STX11: variants seen among roughly 807,000 people sequenced by gnomAD.
The protein encoded by STX11 is syntaxin-11.
STX11 carries 21 observed loss-of-function variants against 19.9 expected under a neutral mutation model. That is an observed-to-expected ratio of 1.06 (90% CI 0.75 to 1.52). The LOEUF (loss-of-function observed/expected upper bound fraction) is 1.52, where lower values mean the gene tolerates loss of function less well. Among genes scored for constraint, STX11 ranks in the 40% most tolerant of loss-of-function variants. The probability of loss-of-function intolerance (pLI) is 0.00; values close to 1 mark genes in which losing one functional copy is unlikely to be tolerated. For missense variants in STX11, 438 were observed against 405.9 expected, an observed-to-expected ratio of 1.08 and a Z score of -0.68; for synonymous variants, 193 against 174.4, an observed-to-expected ratio of 1.11 and a Z score of -0.84.
chr6:144,181,011 CATCATAAAATGAAGGG>C (rs1801899196), intron 1 of STX11, among the ~76,000 whole-genome samples: 1 of 152,168 alleles, frequency 6.6e-6, no homozygotes, highest in African/African-American at 2.4e-5. Context: ...TATAATTTTC[CATCATAAAATGAAGGG>C]ATCAGAATAA....
chr6:144,162,734 G>A lies in STX11; in HGVS notation c.-6+12031G>A, dbSNP rs1267443622. On this transcript the variant is annotated intron_variant, in intron 1 of 1. Transcript: ENST00000367568. The surrounding 1 kb of genome is among the most constrained non-coding windows in gnomAD (Gnocchi z 4.6). ...GAGGGCATCTCCAGAAGAAAGGCAG[G>A]ATAAGGTGGTTTGCCATGGTGGAGT... 6.6e-6 allele frequency among the ~76,000 whole-genome samples: 1 copy of A among 152,212 alleles called. No homozygotes were observed. Among genetic ancestry groups the A allele is most frequent in the East Asian group, 1.9e-4 (1 of 5,196 alleles).
At position 144,172,945 on chromosome 6, in the gene STX11, G is replaced by T. The variant is rs117338974; in HGVS notation, c.-5-13678G>T. ...ACAACCACTGGTCCATAGCAGTTCTGTCCAAGCACATGTTACCAGGTGCCC... is the reference window on the plus strand; with the variant it reads ...ACAACCACTGGTCCATAGCAGTTCTTTCCAAGCACATGTTACCAGGTGCCC... On this transcript the variant is annotated intron_variant, in intron 1 of 1. Transcript: ENST00000367568. This position sits in a 1 kb window ranked among gnomAD's most constrained non-coding sequence, Gnocchi z 4.2. 3.4e-3 allele frequency among the ~76,000 whole-genome samples: 515 copies of T among 152,080 alleles called. No individual in the cohort carries two copies. Among genetic ancestry groups the T allele is most frequent in the Admixed American group, 5.8e-3 (89 of 15,276 alleles).
At position 144,165,455 on chromosome 6, in the gene STX11, C is replaced by CAAAA. The variant is rs202244910; in HGVS notation, c.-6+14760_-6+14763dup. On this transcript the variant is annotated intron_variant, in intron 1 of 1. Coordinates refer to ENST00000367568, the MANE Select transcript of STX11 (RefSeq NM_003764.4). The surrounding 1 kb of genome is among the most constrained non-coding windows in gnomAD (Gnocchi z 5.8). The stretch of plus-strand genomic sequence containing the variant: ...GGGCAACAAGAACGAAACTCTGTCT[C>CAAAA]AAAAAAAAAAAGAAAAACAAAAAAG... 7.1e-4 allele frequency among the ~76,000 whole-genome samples: 98 copies of CAAAA among 137,104 alleles called. No homozygotes were observed. Among genetic ancestry groups the CAAAA allele is most frequent in the African/African-American group, 2.5e-3 (98 of 38,438 alleles). The allele number at this position is 137,104 out of a possible 152,430, so 89.9% of individuals were successfully genotyped here. A position where few individuals can be genotyped will look rare whatever the true frequency, so the allele number is the denominator to read the frequency against.
Position 144,150,610 on chromosome 6 carries a change from G to A in STX11, c.-99G>A, listed in dbSNP as rs955414496. The A allele has an allele frequency of 2.4e-5, 24 of 985,342 alleles. No individual in the cohort carries two copies. In the African/African-American group the frequency reaches 4.2e-4, roughly 17 times the overall value. 61.0% of individuals were successfully genotyped at this position (985,342 alleles called of 1,614,324 possible). On this transcript the variant is annotated 5_prime_UTR_variant, in exon 1 of 2. Transcript: ENST00000367568. ...CGGGAGCGGAGCCGCCGGGAGTCGCGCAACAGGTTTCCTTCTCCATCGCTG... is the reference window on the plus strand; with the variant it reads ...CGGGAGCGGAGCCGCCGGGAGTCGCACAACAGGTTTCCTTCTCCATCGCTG...
chr6:144,178,678 A>C (rs72992181), intron 1 of STX11, among the ~76,000 whole-genome samples: 4,421 of 152,304 alleles, frequency 0.029, 90 homozygotes, highest in Middle Eastern at 0.048. Context: ...GAGCAAAGAG[A>C]AAACAAGAGA....
At position 144,176,487 on chromosome 6, in the gene STX11, G is replaced by A. The variant is rs111647916; in HGVS notation, c.-5-10136G>A. 1.3e-5 allele frequency among the ~76,000 whole-genome samples: 2 copies of A among 152,152 alleles called. No individual in the cohort carries two copies. The highest frequency in any genetic ancestry group is 2.4e-5 in the African/African-American group (1 of 41,414). Reference sequence around the variant, plus strand: ...TGCACACAGTCTGTCACTGAGATTCGTTTTTCCTTCCTTGCTTTACGGAGT... The same window carrying A: ...TGCACACAGTCTGTCACTGAGATTCATTTTTCCTTCCTTGCTTTACGGAGT... On this transcript the variant is annotated intron_variant, in intron 1 of 1. Coordinates refer to ENST00000367568, the MANE Select transcript of STX11 (RefSeq NM_003764.4). The surrounding 1 kb of genome is among the most constrained non-coding windows in gnomAD (Gnocchi z 4.1).
At chr6:144,146,812 C>T (rs553034763), upstream of STX11, among the ~76,000 whole-genome samples, 17 of 152,264 alleles carry the variant, frequency 1.1e-4, no homozygotes, top group Admixed American at 1.0e-3. The surrounding 1 kb of genome is among the most constrained non-coding windows in gnomAD (Gnocchi z 4.4). Flanking sequence ...CTACCCTGTC[C>T]TCCCAAAGTG....
In STX11 at chr6:144,150,649, C is replaced by T. The variant is rs1260075234; in HGVS notation, c.-60C>T. On this transcript the variant is annotated 5_prime_UTR_variant, in exon 1 of 2. The change creates a new upstream start codon in the 5' untranslated region. Transcript: ENST00000367568. Reference sequence around the variant, plus strand: ...TCTCCATCGCTGCGCCCACAGGGGACGCGCGCCCTGCCGGGAGAGGGGCTT... The same window carrying T: ...TCTCCATCGCTGCGCCCACAGGGGATGCGCGCCCTGCCGGGAGAGGGGCTT... 1.1e-5 allele frequency: 11 copies of T among 985,234 alleles called. No individual in the cohort carries two copies. The highest frequency in any genetic ancestry group is 6.1e-5 in the Admixed American group (1 of 16,262). The allele number at this position is 985,234 out of a possible 1,614,324, so 61.0% of individuals were successfully genotyped here.
rs1801742610 is a variant in STX11, at chr6:144,175,003, A to G, written c.-5-11620A>G. 6.6e-6 allele frequency among the ~76,000 whole-genome samples: 1 copy of G among 151,856 alleles called. No homozygotes were observed. The highest frequency in any genetic ancestry group is 2.1e-4 in the South Asian group (1 of 4,814). ...TAAAAATTAGCCCGCAGTCCCAGCT[A>G]CTCGGGAGGCTGAGGCGGGTGGATC... On this transcript the variant is annotated intron_variant, in intron 1 of 1. Coordinates refer to ENST00000367568, the MANE Select transcript of STX11 (RefSeq NM_003764.4). The surrounding 1 kb of genome is among the most constrained non-coding windows in gnomAD (Gnocchi z 5.1).
chr6:144,188,229 T>C lies in STX11; in HGVS notation c.*738T>C, dbSNP rs1397978900. On this transcript the variant is annotated 3_prime_UTR_variant, in exon 2 of 2. Coordinates refer to ENST00000367568, the MANE Select transcript of STX11 (RefSeq NM_003764.4). ...TGTATTTTTCGCTGATAAAAATTATTTAACATTTATATTTTTACTTGATTA... is the reference window on the plus strand; with the variant it reads ...TGTATTTTTCGCTGATAAAAATTATCTAACATTTATATTTTTACTTGATTA... 6 of 234,130 alleles carry C rather than the reference T, an allele frequency of 2.6e-5. No individual in the cohort carries two copies. Among genetic ancestry groups the C allele is most frequent in the Non-Finnish European group, 5.5e-5 (6 of 109,860 alleles). 14.5% of individuals were successfully genotyped at this position (234,130 alleles called of 1,614,324 possible).
intron 1 of STX11, among the ~76,000 whole-genome samples, chr6:144,171,312 C>A (rs1801624208): frequency 6.6e-6 from 1 of 152,118 alleles, no homozygotes; most frequent in Non-Finnish European, 1.5e-5. Flanking sequence ...TTCTGAAATT[C>A]CTTAGAAACC....
chr6:144,186,931 T>C lies in STX11; in HGVS notation c.304T>C (p.Cys102Arg). ...AIKARGEVIH[C>R]KLRAMKELSE... is the part of the protein sequence containing the mutation. ...CAAGGCCCGGGGCGAGGTCATCCAC[T>C]GCAAGCTGCGCGCCATGAAGGAGCT... is the stretch of plus-strand genomic sequence containing the variant. Residue 102 changes from cysteine (C) to arginine (R), a missense_variant, in exon 2 of 2, where the codon TGC becomes CGC. Cys to Arg is a radical substitution (Grantham distance 180). Coordinates refer to ENST00000367568, the MANE Select transcript of STX11 (RefSeq NM_003764.4). 2 of 1,610,154 alleles carry C rather than the reference T, an allele frequency of 1.2e-6. No individual in the cohort carries two copies. The highest frequency in any genetic ancestry group is 1.7e-6 in the Non-Finnish European group (2 of 1,179,944).
In STX11 at chr6:144,174,056, C is replaced by T. The variant is rs756706795; in HGVS notation, c.-5-12567C>T. ...TGGCTGAGCAGTCTTCTGTTGGGCT[C>T]TCCGCGGCTCCTTCATTTTCAGTCT... On this transcript the variant is annotated intron_variant, in intron 1 of 1. Transcript: ENST00000367568. This position sits in a 1 kb window ranked among gnomAD's most constrained non-coding sequence, Gnocchi z 5.3. Among the ~76,000 whole-genome samples, 2 of 152,224 alleles carry T rather than the reference C, an allele frequency of 1.3e-5. No individual in the cohort carries two copies. The highest frequency in any genetic ancestry group is 2.9e-5 in the Non-Finnish European group (2 of 68,044).
intron 1 of STX11, among the ~76,000 whole-genome samples, chr6:144,168,071 T>C (rs1364895455): frequency 6.6e-6 from 1 of 152,180 alleles, no homozygotes; most frequent in Non-Finnish European, 1.5e-5. Context: ...GCAACAACAA[T>C]GGCAGGCTTT....
chr6:144,181,519 C>T lies in STX11; in HGVS notation c.-5-5104C>T, dbSNP rs1584052736. 2.8e-5 allele frequency among the ~76,000 whole-genome samples: 4 copies of T among 144,766 alleles called. No individual in the cohort carries two copies. In the South Asian group the frequency reaches 8.8e-4, roughly 32 times the overall value. The allele number at this position is 144,766 out of a possible 152,430, so 95.0% of individuals were successfully genotyped here. On this transcript the variant is annotated intron_variant, in intron 1 of 1. Coordinates refer to ENST00000367568, the MANE Select transcript of STX11 (RefSeq NM_003764.4). Reference sequence around the variant, plus strand: ...CTGAGGCAGGAGAATCACTTGAACCCGGGAGGCAGAGGTTACAGTGAGCCG... The same window carrying T: ...CTGAGGCAGGAGAATCACTTGAACCTGGGAGGCAGAGGTTACAGTGAGCCG...
chr6:144,140,631 G>C, the STX11 span: 1 of 447,484 alleles, frequency 2.2e-6, no homozygotes, highest in Non-Finnish European at 3.0e-6. Context: ...GGTCATGGAA[G>C]GTTGCTAGCA....
At chr6:144,166,668 G>A (rs1326295907) in intron 1 of STX11, among the ~76,000 whole-genome samples, 7 of 151,886 alleles carry the variant, frequency 4.6e-5, no homozygotes. Flanking sequence ...TGGGACTACA[G>A]GCATGTGCCA....
intron 1 of STX11, among the ~76,000 whole-genome samples, chr6:144,163,570 T>C (rs931807672): frequency 6.6e-6 from 1 of 152,148 alleles, no homozygotes; most frequent in Admixed American, 6.5e-5. Flanking sequence ...CTCTGCTTCC[T>C]GGGCTCAAGT....
rs546986366 is a variant in STX11 at position 144,165,852 on chromosome 6, A to G, written c.-6+15149A>G. Among the ~76,000 whole-genome samples the G allele has an allele frequency of 6.6e-5, 10 of 152,352 alleles. No homozygotes were observed. In the South Asian group the frequency reaches 2.1e-3, roughly 32 times the overall value. On this transcript the variant is annotated intron_variant, in intron 1 of 1. Transcript: ENST00000367568. The surrounding 1 kb of genome is among the most constrained non-coding windows in gnomAD (Gnocchi z 5.8). ...CATAACTTACGTAACTTAACAATCA[A>G]AAAGTAACCTTTGTGAGGTAAGTAG...
Sources: gnomAD v4.1 joint callset for allele counts (sites outside exome capture counted in the v4.1 genomes callset) on GRCh38, gnomAD v4.1.1 for gene constraint, Gnocchi (gnomAD v3.1) non-coding constraint, MANE v1.5 for transcripts, NCBI Gene and HGNC (gene_info 2026-07-23, HGNC 2026-07-21) for gene names.